Variants in GLCCI1 observed in about 807,000 individuals in gnomAD.
GLCCI1 encodes the protein glucocorticoid-induced transcript 1 protein.
Under a neutral mutation model 52.2 loss-of-function variants are expected in GLCCI1, and 24 were observed. The ratio of observed to expected loss-of-function variants is 0.46; its 90% CI spans 0.33 to 0.65. The LOEUF is 0.65. Among genes scored for constraint, GLCCI1 ranks in the 30% least tolerant of loss-of-function variants. GLCCI1 has a pLI of 0.02. For synonymous variants in GLCCI1, 310 were observed against 276.5 expected, an observed-to-expected ratio of 1.12 and a Z score of -1.20; for missense variants, 704 against 701.5, an observed-to-expected ratio of 1.00 and a Z score of -0.04.
At position 7,969,229 on chromosome 7, in the gene GLCCI1, A is replaced by G; in HGVS notation, c.-122A>G. On this transcript the variant is annotated 5_prime_UTR_variant, in exon 1 of 8. Coordinates refer to ENST00000223145, the MANE Select transcript of GLCCI1 (RefSeq NM_138426.4). The surrounding 1 kb of genome is among the most constrained non-coding windows in gnomAD (Gnocchi z 4.9). Reference sequence around the variant, plus strand: ...GCCCCGAGACTCCTCCCCCACAGCGATACCCCCGCCCCTCCCCCTTACACA... The same window carrying G: ...GCCCCGAGACTCCTCCCCCACAGCGGTACCCCCGCCCCTCCCCCTTACACA... 1.3e-4 allele frequency: 31 copies of G among 240,728 alleles called. No individual in the cohort carries two copies. The highest frequency in any genetic ancestry group is 2.0e-4 in the Non-Finnish European group (28 of 141,294). The allele number at this position is 240,728 out of a possible 1,614,324, so 14.9% of individuals were successfully genotyped here.
intron 7 of GLCCI1, among the ~76,000 whole-genome samples, chr7:8,085,530 G>T (rs1783087372): frequency 6.6e-6 from 1 of 152,238 alleles, no homozygotes; most frequent in Non-Finnish European, 1.5e-5. Context: ...ACACTGGGCA[G>T]AGTAGCTCAG....
At chr7:8,007,305 C>T (rs549052027) in intron 2 of GLCCI1, among the ~76,000 whole-genome samples, 1 of 152,306 alleles carries the variant, frequency 6.6e-6, no homozygotes, top group Admixed American at 6.5e-5. Context: ...ATATGTACTA[C>T]ATACATATTA....
At chr7:8,084,448 A>G (rs1359493100) in intron 6 of GLCCI1, among the ~76,000 whole-genome samples, 8 of 152,210 alleles carry the variant, frequency 5.3e-5, no homozygotes, top group African/African-American at 1.7e-4. Flanking sequence ...AGCAAAAATA[A>G]CATTTCTGCT....
chr7:7,980,615 A>T lies in GLCCI1; in HGVS notation c.457+10808A>T, dbSNP rs562757786. ...TTTGGCCTAGGATTGTATGGTGATC[A>T]AGCAAGCTTTTTTGAGACAGAAAAC... On this transcript the variant is annotated intron_variant, in intron 1 of 7. Coordinates refer to ENST00000223145, the MANE Select transcript of GLCCI1 (RefSeq NM_138426.4). The T allele has an allele frequency of 2.6e-4, 201 of 777,318 alleles. No homozygotes were observed. In the African/African-American group the frequency reaches 3.1e-3, roughly 12 times the overall value. The allele number at this position is 777,318 out of a possible 1,614,324, so 48.2% of individuals were successfully genotyped here. A position where few individuals can be genotyped will look rare whatever the true frequency, so the allele number is the denominator to read the frequency against.
chr7:8,076,630 A>G (rs1782881955), intron 6 of GLCCI1, among the ~76,000 whole-genome samples: 1 of 152,242 alleles, frequency 6.6e-6, no homozygotes, highest in Non-Finnish European at 1.5e-5. Context: ...CTACTTAAAT[A>G]TACAACTCAG....
At chr7:7,983,836 T>G (rs1281215568) in intron 1 of GLCCI1, among the ~76,000 whole-genome samples, 1 of 152,204 alleles carries the variant, frequency 6.6e-6, no homozygotes. Context: ...AGGCCTGTTA[T>G]TCAGTGGTAG....
At position 8,009,273 on chromosome 7, in the gene GLCCI1, A is replaced by G. The variant is rs113549752; in HGVS notation, c.609+5214A>G. Among the ~76,000 whole-genome samples the G allele has an allele frequency of 2.6e-4, 39 of 152,334 alleles. 1 individual carries two copies. Among genetic ancestry groups the G allele is most frequent in the African/African-American group, 5.8e-4 (24 of 41,580 alleles). ...TTGAACTTGCAATTAAGGTTACTAT[A>G]ATAAAACAGTAATGTTTCCTCAGTC... On this transcript the variant is annotated intron_variant, in intron 2 of 7. Coordinates refer to ENST00000223145, the MANE Select transcript of GLCCI1 (RefSeq NM_138426.4).
chr7:8,000,922 C>T (rs1183243257), intron 1 of GLCCI1, among the ~76,000 whole-genome samples: 1 of 152,102 alleles, frequency 6.6e-6, no homozygotes, highest in African/African-American at 2.4e-5. Flanking sequence ...TATTTTGAGC[C>T]TATGTGTGTC....
chr7:8,033,014 G>A (rs1038892379), intron 3 of GLCCI1, among the ~76,000 whole-genome samples: 1 of 151,702 alleles, frequency 6.6e-6, no homozygotes, highest in African/African-American at 2.4e-5. Flanking sequence ...TAAAATATGA[G>A]CAAACCAAAT....
rs1780280874 is a variant in GLCCI1, at chr7:7,969,234, C to G, written c.-117C>G. The G allele has an allele frequency of 3.2e-6, 3 of 951,314 alleles. No homozygotes were observed. The highest frequency in any genetic ancestry group is 7.7e-5 in the Admixed American group (2 of 25,972). The allele number at this position is 951,314 out of a possible 1,614,324, so 58.9% of individuals were successfully genotyped here. A position where few individuals can be genotyped will look rare whatever the true frequency, so the allele number is the denominator to read the frequency against. ...GAGACTCCTCCCCCACAGCGATACC[C>G]CCGCCCCTCCCCCTTACACACTCGC... On this transcript the variant is annotated 5_prime_UTR_variant, in exon 1 of 8. Coordinates refer to ENST00000223145, the MANE Select transcript of GLCCI1 (RefSeq NM_138426.4). The surrounding 1 kb of genome is among the most constrained non-coding windows in gnomAD (Gnocchi z 4.9).
intron 3 of GLCCI1, among the ~76,000 whole-genome samples, chr7:8,039,415 T>C (rs989141610): frequency 6.6e-6 from 1 of 152,172 alleles, no homozygotes; most frequent in African/African-American, 2.4e-5. Flanking sequence ...TGTGTGTGTG[T>C]ATATATATGT....
intron 6 of GLCCI1, among the ~76,000 whole-genome samples, chr7:8,076,413 G>A (rs1782878246): frequency 6.6e-6 from 1 of 152,062 alleles, no homozygotes; most frequent in Non-Finnish European, 1.5e-5. Flanking sequence ...TAGTCTATAG[G>A]TTAAAATTGA....
Position 7,969,871 on chromosome 7 carries a change from C to G in GLCCI1, c.457+64C>G. ...TCCCCGACGGTGCCCTCCGTGGAAA[C>G]TTCAGCCTCTTCGGGCTTCTCTTTG... On this transcript the variant is annotated intron_variant, in intron 1 of 7. Coordinates refer to ENST00000223145, the MANE Select transcript of GLCCI1 (RefSeq NM_138426.4). This position sits in a 1 kb window ranked among gnomAD's most constrained non-coding sequence, Gnocchi z 4.9. 2 of 1,271,250 alleles carry G rather than the reference C, an allele frequency of 1.6e-6. No homozygotes were observed. The highest frequency in any genetic ancestry group is 2.0e-6 in the Non-Finnish European group (2 of 995,398). 78.7% of individuals were successfully genotyped at this position (1,271,250 alleles called of 1,614,324 possible). A position where few individuals can be genotyped will look rare whatever the true frequency, so the allele number is the denominator to read the frequency against.
intron 2 of GLCCI1, among the ~76,000 whole-genome samples, chr7:8,021,135 G>A (rs2127948197): frequency 6.6e-6 from 1 of 152,160 alleles, no homozygotes; most frequent in South Asian, 2.1e-4. Flanking sequence ...GAATATCATT[G>A]CTTTTAAGAC....
intron 1 of GLCCI1, among the ~76,000 whole-genome samples, chr7:8,000,304 C>G (rs942338350): frequency 2.0e-5 from 3 of 151,948 alleles, no homozygotes; most frequent in African/African-American, 7.3e-5. Flanking sequence ...CCTTTATAAC[C>G]AGGAAAAATA....
intron 2 of GLCCI1, among the ~76,000 whole-genome samples, chr7:8,020,648 T>A (rs1257706451): frequency 1.2e-4 from 18 of 152,188 alleles, no homozygotes; most frequent in Non-Finnish European, 2.4e-4. Context: ...ATGTAATTCA[T>A]ATTATAAATG....
At chr7:8,020,374 T>C (rs546998039) in intron 2 of GLCCI1, among the ~76,000 whole-genome samples, 21 of 152,348 alleles carry the variant, frequency 1.4e-4, no homozygotes, top group African/African-American at 4.6e-4. Context: ...TACTACTAAC[T>C]TGATTTCTTT....
In GLCCI1 at chr7:7,971,184, G is replaced by A. The variant is rs573964364; in HGVS notation, c.457+1377G>A. On this transcript the variant is annotated intron_variant, in intron 1 of 7. Transcript: ENST00000223145. ...TATGCATTGGGAGGAATATGCTCCT[G>A]CACTCCTCCCCCAGGTCAAGCCAGC... Among the ~76,000 whole-genome samples, 3 of 152,212 alleles carry A rather than the reference G, an allele frequency of 2.0e-5. No homozygotes were observed. In the East Asian group the frequency reaches 5.8e-4, roughly 29 times the overall value.
chr7:8,047,254 T>C (rs1583998476), intron 3 of GLCCI1, among the ~76,000 whole-genome samples: 1 of 152,224 alleles, frequency 6.6e-6, no homozygotes. Context: ...CTCCAGTGCA[T>C]TGTATTTACT....
Sources: allele counts gnomAD v4.1 joint callset (sites outside exome capture counted in the v4.1 genomes callset), GRCh38; gene constraint gnomAD v4.1.1; non-coding constraint Gnocchi (gnomAD v3.1); transcripts MANE v1.5; gene names NCBI Gene and HGNC (gene_info 2026-07-23, HGNC 2026-07-21).